Variants in GABRA3 observed in about 807,000 individuals in gnomAD.
The protein encoded by GABRA3 is gamma-aminobutyric acid receptor subunit alpha-3.
Under a neutral mutation model 30.1 loss-of-function variants are expected in GABRA3, and 10 were observed. The observed-to-expected ratio is 0.33, with a 90% CI of 0.20 to 0.56. The LOEUF (loss-of-function observed/expected upper bound fraction) is 0.56, where lower values mean the gene tolerates loss of function less well. Among genes scored for constraint, GABRA3 ranks in the 20% least tolerant of loss-of-function variants. GABRA3 has a pLI of 0.89. For missense variants in GABRA3, 233 were observed against 392.0 expected, an observed-to-expected ratio of 0.59 and a Z score of 3.42; for synonymous variants, 151 against 146.8, an observed-to-expected ratio of 1.03 and a Z score of -0.21.
At position 152,283,083 on chromosome X, in the gene GABRA3, T is replaced by C. The variant is rs771170755; in HGVS notation, c.330+1585A>G. 7.2e-4 allele frequency among the ~76,000 whole-genome samples: 80 copies of C among 111,746 alleles called. 1 individual carries two copies. In the Middle Eastern group the frequency reaches 0.023, roughly 32 times the overall value. ...AGGGCTTCCTAGAGCCTTTAATGCA[T>C]AGTTGGGCTCGTAAGGAGTACTTGT... On this transcript the variant is annotated intron_variant, in intron 4 of 9. Transcript: ENST00000370314.
chrX:152,410,820 A>G (rs1208673955), intron 1 of GABRA3, among the ~76,000 whole-genome samples: 1 of 111,207 alleles, frequency 9.0e-6, no homozygotes, highest in East Asian at 2.8e-4. Flanking sequence ...AATATGTGTC[A>G]TTCACAACAA....
At chrX:152,428,863 G>C (rs1930576929) in intron 1 of GABRA3, among the ~76,000 whole-genome samples, 1 of 111,656 alleles carries the variant, frequency 9.0e-6, no homozygotes, top group Non-Finnish European at 1.9e-5. Flanking sequence ...GTTAGTCCCA[G>C]CTGAAAACTG....
intron 2 of GABRA3, among the ~76,000 whole-genome samples, chrX:152,353,240 C>T (rs750144463): frequency 9.0e-6 from 1 of 111,529 alleles, no homozygotes; most frequent in East Asian, 2.8e-4. Context: ...GTCCTTCATG[C>T]CTTCTTAGTA....
At chrX:152,372,703 C>T (rs904926321) in intron 1 of GABRA3, among the ~76,000 whole-genome samples, 2 of 112,018 alleles carry the variant, frequency 1.8e-5, no homozygotes, top group African/African-American at 6.5e-5. Context: ...CAAGACTATG[C>T]TACTTTCCTA....
chrX:152,207,366 G>T (rs763464912), intron 7 of GABRA3, among the ~76,000 whole-genome samples: 1 of 111,484 alleles, frequency 9.0e-6, no homozygotes, highest in Non-Finnish European at 1.9e-5. Flanking sequence ...AGAATATATC[G>T]TCCCTCAGGC....
intron 3 of GABRA3, among the ~76,000 whole-genome samples, chrX:152,319,824 A>G (rs1939934184): frequency 9.0e-6 from 1 of 111,490 alleles, no homozygotes; most frequent in Non-Finnish European, 1.9e-5. Flanking sequence ...ACAAATCTAT[A>G]CATCTGACAA....
intron 1 of GABRA3, among the ~76,000 whole-genome samples, chrX:152,411,036 G>C (rs1005895646): frequency 8.9e-6 from 1 of 112,163 alleles, no homozygotes; most frequent in Non-Finnish European, 1.9e-5. Flanking sequence ...AAGGATGCAT[G>C]TGGTGACTCA....
intron 5 of GABRA3, among the ~76,000 whole-genome samples, chrX:152,226,564 G>A (rs1371477750): frequency 9.0e-6 from 1 of 111,647 alleles, no homozygotes; most frequent in East Asian, 2.8e-4. Context: ...CTTCTGCACA[G>A]CTAAAGAAAC....
intron 5 of GABRA3, among the ~76,000 whole-genome samples, chrX:152,233,825 A>T (rs1938139351): frequency 9.4e-6 from 1 of 106,285 alleles, no homozygotes; most frequent in Admixed American, 1.0e-4. Flanking sequence ...GACTGGATTA[A>T]GAAAATGTGG....
chrX:152,227,598 AT>A (rs766305476), intron 5 of GABRA3, among the ~76,000 whole-genome samples: 1 of 95,100 alleles, frequency 1.1e-5, no homozygotes, highest in African/African-American at 3.8e-5. Context: ...AATGGGTTAC[AT>A]TTTTTTTTTT....
intron 3 of GABRA3, among the ~76,000 whole-genome samples, chrX:152,338,661 C>A (rs1464316396): frequency 1.8e-5 from 2 of 112,030 alleles, no homozygotes; most frequent in Non-Finnish European, 3.8e-5. Context: ...TTTTATAGTT[C>A]AGGTTTTAGA....
chrX:152,374,345 T>C (rs113092327), intron 1 of GABRA3, among the ~76,000 whole-genome samples: 13 of 87,487 alleles, frequency 1.5e-4, no homozygotes, highest in Admixed American at 3.8e-4. Context: ...TTCTTTTTTT[T>C]TTTTTTTTTT....
chrX:152,235,577 T>C (rs1381008092), intron 5 of GABRA3, among the ~76,000 whole-genome samples: 1 of 111,757 alleles, frequency 8.9e-6, no homozygotes, highest in African/African-American at 3.2e-5. Flanking sequence ...CAGTAACATT[T>C]CTACACACTA....
rs915611595 is a variant in GABRA3 at position 152,296,452 on chromosome X, G to A, written c.263-11717C>T. 5.4e-5 allele frequency among the ~76,000 whole-genome samples: 6 copies of A among 111,559 alleles called. No homozygotes were observed. The South Asian group carries it at 1.1e-3, about 21-fold the overall frequency. The stretch of plus-strand genomic sequence containing the variant: ...GCATTAATCATAGATAAACACTCTG[G>A]AAGAATCATAAACAGGTTGCTTACG... On this transcript the variant is annotated intron_variant, in intron 3 of 9. Transcript: ENST00000370314.
intron 3 of GABRA3, among the ~76,000 whole-genome samples, chrX:152,303,679 G>A (rs757376347): frequency 9.0e-6 from 1 of 111,161 alleles, no homozygotes; most frequent in Non-Finnish European, 1.9e-5. Context: ...GATGAAGCTG[G>A]AAACTATCAT....
At chrX:152,255,344 T>C (rs1938619480) in intron 5 of GABRA3, among the ~76,000 whole-genome samples, 1 of 112,327 alleles carries the variant, frequency 8.9e-6, no homozygotes, top group Admixed American at 9.4e-5. Context: ...CCCATAGTTA[T>C]CTCATTTGAT....
intron 8 of GABRA3, among the ~76,000 whole-genome samples, chrX:152,193,720 C>A (rs369795864): frequency 8.9e-6 from 1 of 112,543 alleles, no homozygotes; most frequent in Non-Finnish European, 1.9e-5. Flanking sequence ...AACTTTAGGC[C>A]GGGCGTGGTG....
chrX:152,357,102 A>T (rs1940561959), intron 2 of GABRA3, among the ~76,000 whole-genome samples: 1 of 112,040 alleles, frequency 8.9e-6, no homozygotes, highest in African/African-American at 3.2e-5. Context: ...CTTTGGATAT[A>T]TATCCAATAA....
chrX:152,301,614 A>G lies in GABRA3; in HGVS notation c.263-16879T>C, dbSNP rs111280174. The stretch of plus-strand genomic sequence containing the variant: ...AATGGTGCGATCTCGGCTCACTGCA[A>G]CCTCCACATCCCGGGTTCAAGTGAT... On this transcript the variant is annotated intron_variant, in intron 3 of 9. Coordinates refer to ENST00000370314, the MANE Select transcript of GABRA3 (RefSeq NM_000808.4). Among the ~76,000 whole-genome samples, 871 of 110,403 alleles carry G rather than the reference A, an allele frequency of 7.9e-3. 11 individuals carry two copies. Among genetic ancestry groups the G allele is most frequent in the African/African-American group, 0.028 (834 of 30,317 alleles).
Sources: gnomAD v4.1 joint callset for allele counts (sites outside exome capture counted in the v4.1 genomes callset) on GRCh38, gnomAD v4.1.1 for gene constraint, MANE v1.5 for transcripts, NCBI Gene and HGNC (gene_info 2026-07-23, HGNC 2026-07-21) for gene names.